OR2C1: variants seen among roughly 807,000 people sequenced by gnomAD.
OR2C1 encodes the protein olfactory receptor 2C1.
For missense variants in OR2C1, 468 were observed against 388.3 expected, an observed-to-expected ratio of 1.21 and a Z score of -1.73; for synonymous variants, 209 against 167.3, an observed-to-expected ratio of 1.25 and a Z score of -1.92.
chr16:3,351,746 C>G (rs1368161860), upstream of OR2C1, among the ~76,000 whole-genome samples: 2 of 152,194 alleles, frequency 1.3e-5, no homozygotes, highest in Non-Finnish European at 2.9e-5. Flanking sequence ...CTCTGGGACA[C>G]CCATTGCAAG....
the OR2C1 span, among the ~76,000 whole-genome samples, chr16:3,325,101 C>G: frequency 6.6e-6 from 1 of 152,222 alleles, no homozygotes; most frequent in Admixed American, 6.5e-5. Context: ...TTTGTCTCAG[C>G]CTCTGAAGTA....
chr16:3,355,233 C>A (rs1356307602), upstream of OR2C1, among the ~76,000 whole-genome samples: 1 of 151,744 alleles, frequency 6.6e-6, no homozygotes, highest in Non-Finnish European at 1.5e-5. Flanking sequence ...GAGGCTGAGG[C>A]TGGCATATCA....
chr16:3,352,404 C>T (rs535429539), upstream of OR2C1, among the ~76,000 whole-genome samples: 9 of 152,174 alleles, frequency 5.9e-5, no homozygotes, highest in South Asian at 1.5e-3. Flanking sequence ...CGCGAGCCAC[C>T]ATGCCTGGCC....
upstream of OR2C1, among the ~76,000 whole-genome samples, chr16:3,354,796 T>C (rs1471077508): frequency 6.6e-6 from 1 of 152,176 alleles, no homozygotes; most frequent in Admixed American, 6.5e-5. Flanking sequence ...TTTCAAGAGA[T>C]AGGGTCTCCC....
chr16:3,338,833 G>A, the OR2C1 span, among the ~76,000 whole-genome samples: 1 of 152,108 alleles, frequency 6.6e-6, no homozygotes, highest in East Asian at 1.9e-4. Context: ...ACCGCGCCCG[G>A]CCTAGGCAAC....
the OR2C1 span, among the ~76,000 whole-genome samples, chr16:3,333,655 T>C: frequency 6.6e-6 from 1 of 152,164 alleles, no homozygotes; most frequent in Admixed American, 6.5e-5. Flanking sequence ...ATATTTTCTA[T>C]GGGTTGTCTC....
chr16:3,324,423 C>G, the OR2C1 span, among the ~76,000 whole-genome samples: 1 of 152,234 alleles, frequency 6.6e-6, no homozygotes, highest in East Asian at 1.9e-4. Flanking sequence ...CTCCTGAGCT[C>G]AGGCAATTCA....
At chr16:3,323,831 T>G in the OR2C1 span, 3 of 1,189,640 alleles carry the variant, frequency 2.5e-6, no homozygotes, top group Non-Finnish European at 3.6e-6. Context: ...AAGTGCCTGC[T>G]TTGTCTGAGT....
upstream of OR2C1, among the ~76,000 whole-genome samples, chr16:3,353,832 A>G (rs1034012174): frequency 3.3e-5 from 5 of 151,912 alleles, no homozygotes; most frequent in Non-Finnish European, 7.4e-5. Context: ...GAAGGAAGGA[A>G]GGAAGGGGAA....
chr16:3,331,758 T>G, the OR2C1 span, among the ~76,000 whole-genome samples: 4,012 of 151,766 alleles, frequency 0.026, 83 homozygotes, highest in Non-Finnish European at 0.04. Context: ...ATCATGCTGC[T>G]ATAAAGGCAC....
upstream of OR2C1, among the ~76,000 whole-genome samples, chr16:3,353,983 C>CTTTTTTTTTTTT (rs1001983184): frequency 1.7e-5 from 2 of 115,500 alleles, no homozygotes; most frequent in African/African-American, 6.6e-5. Context: ...CTTTTCTTTT[C>CTTTTTTTTTTTT]TTTTTTTTTT....
At chr16:3,344,902 C>T in the OR2C1 span, among the ~76,000 whole-genome samples, 2 of 151,760 alleles carry the variant, frequency 1.3e-5, no homozygotes, top group Admixed American at 6.6e-5. Context: ...TTATGGACTC[C>T]CCTTTATGGA....
chr16:3,328,977 T>C, the OR2C1 span, among the ~76,000 whole-genome samples: 109,503 of 150,694 alleles, frequency 0.73, 39,890 homozygotes, highest in South Asian at 0.84. Flanking sequence ...AACAGTTGGG[T>C]GGACTAGGAA....
At chr16:3,331,385 A>G in the OR2C1 span, among the ~76,000 whole-genome samples, 4 of 151,316 alleles carry the variant, frequency 2.6e-5, no homozygotes, top group African/African-American at 4.9e-5. Context: ...GAAGCTCTTT[A>G]GTTTAATTAG....
Position 3,356,718 on chromosome 16 carries a change from C to A in OR2C1, c.778C>A (p.Leu260Met). 1.2e-6 allele frequency: 2 copies of A among 1,614,194 alleles called. No individual in the cohort carries two copies. Among genetic ancestry groups the A allele is most frequent in the Non-Finnish European group, 1.7e-6 (2 of 1,180,044 alleles). ...CTATGGCTCAGCCAGCTATGGGTAT[C>A]TGCTTCCGGCCAAGAACAGCAAACA... ...LFYGSASYGY[L>M]LPAKNSKQDQ... Residue 260 changes from leucine (L) to methionine (M), a missense_variant, in exon 1 of 1, where the codon CTG becomes ATG. By Grantham distance (15) the Leu-to-Met change is conservative. Coordinates refer to ENST00000304936, the MANE Select transcript of OR2C1 (RefSeq NM_012368.3).
the OR2C1 span, among the ~76,000 whole-genome samples, chr16:3,341,887 G>A: frequency 6.6e-6 from 1 of 152,180 alleles, no homozygotes; most frequent in Admixed American, 6.5e-5. Flanking sequence ...AAAGTTCCAA[G>A]CTTCAAAGCA....
chr16:3,323,303 A>G, the OR2C1 span: 4 of 966,892 alleles, frequency 4.1e-6, no homozygotes, highest in Non-Finnish European at 6.6e-6. Context: ...AGAGGTGGAA[A>G]GGGCAAAAGA....
In OR2C1 at chr16:3,356,089, G is replaced by A. The variant is rs530836383; in HGVS notation, c.149G>A (p.Arg50His). 2.4e-5 allele frequency: 39 copies of A among 1,614,044 alleles called. No individual in the cohort carries two copies. Among genetic ancestry groups the A allele is most frequent in the Middle Eastern group, 1.6e-4 (1 of 6,062 alleles). Residue 50 changes from arginine to histidine, a missense_variant, in exon 1 of 1, where the codon CGC (arginine) becomes CAC (histidine). Transcript: ENST00000304936. ...LGNSTIILLS[R>H]LEARLHTPMY... is the part of the protein sequence containing the mutation. ...AACTCAACCATCATCTTGCTTTCCC[G>A]CCTGGAGGCCCGGCTCCATACACCC... is the stretch of plus-strand genomic sequence containing the variant.
At chr16:3,331,237 TG>T in the OR2C1 span, among the ~76,000 whole-genome samples, 2 of 152,226 alleles carry the variant, frequency 1.3e-5, no homozygotes, top group African/African-American at 2.4e-5. Flanking sequence ...TGGGGTTGTT[TG>T]TTTTTTTCTT....
Sources: allele counts gnomAD v4.1 joint callset (sites outside exome capture counted in the v4.1 genomes callset), GRCh38; gene constraint gnomAD v4.1.1; transcripts MANE v1.5; gene names NCBI Gene and HGNC (gene_info 2026-07-23, HGNC 2026-07-21).